SHROOM4: variants seen among roughly 807,000 people sequenced by gnomAD.
SHROOM4 encodes the protein protein Shroom4.
In SHROOM4, 17 loss-of-function variants were observed where a neutral mutation model predicts 80.3. That is an observed-to-expected ratio of 0.21 (90% CI 0.14 to 0.32). The LOEUF is 0.32. SHROOM4 is among the 10% of genes least tolerant of loss of function. The pLI is 1.00. For missense variants in SHROOM4, 993 were observed against 1,140.3 expected (o/e 0.87, Z 1.86); for synonymous variants, 400 against 437.5 (o/e 0.91, Z 1.07).
intron 1 of SHROOM4, among the ~76,000 whole-genome samples, chrX:50,715,526 A>G (rs782331275): frequency 8.9e-6 from 1 of 112,464 alleles, no homozygotes; most frequent in Non-Finnish European, 1.9e-5. Context: ...AAAATGGGCA[A>G]AAGATCTGCC....
chrX:50,661,892 A>C (rs1331589585), intron 2 of SHROOM4, among the ~76,000 whole-genome samples: 14 of 111,346 alleles, frequency 1.3e-4, no homozygotes, highest in Non-Finnish European at 2.3e-4. Flanking sequence ...TCTGGGAGTC[A>C]TCAGTGGTAC....
At chrX:50,718,323 A>G (rs1934018554) in intron 1 of SHROOM4, among the ~76,000 whole-genome samples, 1 of 111,961 alleles carries the variant, frequency 8.9e-6, no homozygotes, top group Non-Finnish European at 1.9e-5. Flanking sequence ...GTAATCCTAA[A>G]CATATATAAA....
rs1557256489 is a variant in SHROOM4, at chrX:50,638,189, G to A, written c.389C>T (p.Ser130Phe). ...PSEAFSLSWH[S>F]GCNTSDVCVQ... ...CTAGACTCACCTTGTGTTGCAGCCA[G>A]AATGCCAGGACAAGCTGAAGGCTTC... Residue 130 changes from serine to phenylalanine, a missense_variant, in exon 3 of 9, where the codon TCT becomes TTT. Physicochemically the swap from Ser to Phe is radical, Grantham distance 155 (BLOSUM62 -2). Transcript: ENST00000376020. The A allele has an allele frequency of 2.9e-5, 35 of 1,207,457 alleles. No homozygotes were observed. Among genetic ancestry groups the A allele is most frequent in the Non-Finnish European group, 3.8e-5 (34 of 893,303 alleles).
At chrX:50,684,879 A>T (rs782386807) in intron 2 of SHROOM4, among the ~76,000 whole-genome samples, 6 of 112,073 alleles carry the variant, frequency 5.4e-5, no homozygotes, top group Non-Finnish European at 1.1e-4. Context: ...GAAAAAAGTC[A>T]CGTAGATTCA....
chrX:50,661,780 A>G (rs1198048938), intron 2 of SHROOM4, among the ~76,000 whole-genome samples: 1 of 111,707 alleles, frequency 9.0e-6, no homozygotes, highest in Non-Finnish European at 1.9e-5. Flanking sequence ...GGCATGTTGG[A>G]TTGTAATGCG....
Position 50,663,374 on chromosome X carries a change from T to C in SHROOM4, c.270-25066A>G, listed in dbSNP as rs991247546. Among the ~76,000 whole-genome samples, 4 of 111,846 alleles carry C rather than the reference T, an allele frequency of 3.6e-5. No individual in the cohort carries two copies. The Admixed American group carries it at 3.8e-4, about 11-fold the overall frequency. On this transcript the variant is annotated intron_variant, in intron 2 of 8. Coordinates refer to ENST00000376020, the MANE Select transcript of SHROOM4 (RefSeq NM_020717.5). ...TGAATTAGTCACCAAGTGCTGGCTT[T>C]GAAATATCTTCACCTATTAACTTGT...
chrX:50,812,096 G>A (rs782251918), intron 1 of SHROOM4, among the ~76,000 whole-genome samples: 2 of 109,010 alleles, frequency 1.8e-5, no homozygotes, highest in Admixed American at 2.0e-4. Context: ...TCAGCTCTGG[G>A]CAGAGCTGAA....
At position 50,694,543 on chromosome X, in the gene SHROOM4, A is replaced by ATTTTTTTTTTTTTTTTTTT. The variant is rs782530547; in HGVS notation, c.269+1224_269+1242dup. 1.2e-3 allele frequency among the ~76,000 whole-genome samples: 15 copies of ATTTTTTTTTTTTTTTTTTT among 12,496 alleles called. 5 individuals are homozygous for ATTTTTTTTTTTTTTTTTTT. Among genetic ancestry groups the ATTTTTTTTTTTTTTTTTTT allele is most frequent in the Non-Finnish European group, 1.4e-3 (11 of 7,949 alleles). The allele number at this position is 12,496 out of a possible 115,157, so 10.9% of individuals were successfully genotyped here. A position where few individuals can be genotyped will look rare whatever the true frequency, so the allele number is the denominator to read the frequency against. ...AGGTCTTTGCCCATTTTTAAGTTGG[A>ATTTTTTTTTTTTTTTTTTT]TTTTTTTTTTTTTTTTTTTTTTTTT... On this transcript the variant is annotated intron_variant, in intron 2 of 8. Transcript: ENST00000376020.
At chrX:50,641,964 AG>A (rs1374662298) in intron 2 of SHROOM4, among the ~76,000 whole-genome samples, 9 of 112,520 alleles carry the variant, frequency 8.0e-5, no homozygotes, top group Non-Finnish European at 1.5e-4. Flanking sequence ...ATCCCAAAGT[AG>A]ACAGAAGAGG....
At chrX:50,642,288 T>C (rs1189634151) in intron 2 of SHROOM4, among the ~76,000 whole-genome samples, 2 of 111,753 alleles carry the variant, frequency 1.8e-5, no homozygotes, top group African/African-American at 6.5e-5. Flanking sequence ...TTAAATGCAG[T>C]CCCATGTGTG....
intron 1 of SHROOM4, among the ~76,000 whole-genome samples, chrX:50,750,651 G>C (rs1056691619): frequency 8.9e-6 from 1 of 112,070 alleles, no homozygotes; most frequent in Non-Finnish European, 1.9e-5. Context: ...ATGATCTCCT[G>C]TTTCTGCTGC....
rs1176753670 is a variant in SHROOM4 at position 50,588,375 on chromosome X, A to T, written c.*8320T>A. ...CTTTAGCTTTATAATAAAAGTTAAC[A>T]TTCATTGGGTACTTATTGTCCTAAG... On this transcript the variant is annotated 3_prime_UTR_variant, in exon 9 of 9. Transcript: ENST00000376020. Among the ~76,000 whole-genome samples, 2 of 112,183 alleles carry T rather than the reference A, an allele frequency of 1.8e-5. No individual in the cohort carries two copies. Among genetic ancestry groups the T allele is most frequent in the African/African-American group, 6.5e-5 (2 of 30,849 alleles).
At chrX:50,783,628 T>C (rs1557270818) in intron 1 of SHROOM4, among the ~76,000 whole-genome samples, 2 of 109,876 alleles carry the variant, frequency 1.8e-5, no homozygotes. Context: ...CAGCCTGGAG[T>C]GCAGTGGCGT....
At chrX:50,618,463 G>C (rs1557251351) in intron 5 of SHROOM4, among the ~76,000 whole-genome samples, 2 of 104,106 alleles carry the variant, frequency 1.9e-5, no homozygotes, top group Non-Finnish European at 3.9e-5. Flanking sequence ...CTAGAGTGCA[G>C]TGGCGCAATC....
intron 1 of SHROOM4, among the ~76,000 whole-genome samples, chrX:50,749,754 T>G (rs17315269): frequency 0.031 from 3,479 of 111,914 alleles, 55 homozygotes; most frequent in Middle Eastern, 0.069. Context: ...GGCTAGGGCA[T>G]AAGATGTATG....
chrX:50,785,326 A>G (rs1310297786), intron 1 of SHROOM4, among the ~76,000 whole-genome samples: 1 of 110,731 alleles, frequency 9.0e-6, no homozygotes, highest in Non-Finnish European at 1.9e-5. Context: ...ATGTTCACAC[A>G]GACTTATATG....
Position 50,728,000 on chromosome X carries a change from A to G in SHROOM4, c.118-32063T>C, listed in dbSNP as rs782760699. On this transcript the variant is annotated intron_variant, in intron 1 of 8. Transcript: ENST00000376020. ...TATGTCTGACAATGTTATTAAATCA[A>G]TGGAGATCTTGGTGAGCAATTTCAA... is the stretch of plus-strand genomic sequence containing the variant. Among the ~76,000 whole-genome samples the G allele has an allele frequency of 8.1e-5, 9 of 111,775 alleles. No individual in the cohort carries two copies. In the South Asian group the frequency reaches 2.3e-3, roughly 28 times the overall value.
Position 50,634,633 on chromosome X carries a change from C to G in SHROOM4, c.1440G>C (p.Val480=), listed in dbSNP as rs782625015. Residue 480 remains valine, a synonymous_variant, in exon 4 of 9, where the codon GTG becomes GTC. Transcript: ENST00000376020. ...QSSKERKTRQ[V]DDRSLVLGHQ... The stretch of plus-strand genomic sequence containing the variant: ...GTCCCAAAACTAAAGACCTGTCATC[C>G]ACTTGTCTGGTCTTTCTTTCTTTGC... 1 of 1,211,821 alleles carries G rather than the reference C, an allele frequency of 8.3e-7. No homozygotes were observed. Among genetic ancestry groups the G allele is most frequent in the South Asian group, 1.8e-5 (1 of 56,989 alleles).
chrX:50,601,051 C>T (rs1482756704), intron 7 of SHROOM4, among the ~76,000 whole-genome samples: 1 of 112,061 alleles, frequency 8.9e-6, no homozygotes, highest in African/African-American at 3.2e-5. Flanking sequence ...AACTTGGGCT[C>T]TACAACCTGA....
Sources: gnomAD v4.1 joint callset for allele counts (sites outside exome capture counted in the v4.1 genomes callset) on GRCh38, gnomAD v4.1.1 for gene constraint, MANE v1.5 for transcripts, NCBI Gene and HGNC (gene_info 2026-07-23, HGNC 2026-07-21) for gene names.